Variants in GVQW3 observed in about 807,000 individuals in gnomAD.
GVQW3 encodes GVQW motif containing 3, also known as protein GVQW3.
GVQW3 carries 7 observed loss-of-function variants against 12.5 expected under a neutral mutation model. That is an observed-to-expected ratio of 0.56 (90% CI 0.32 to 1.05). The LOEUF is 1.05. GVQW3 is among the 50% of genes least tolerant of loss of function. GVQW3 has a pLI of 0.04. For synonymous variants in GVQW3, 71 were observed against 67.2 expected (o/e 1.06, Z -0.28); for missense variants, 188 against 190.8 (o/e 0.99, Z 0.09).
chr11:76,393,420 G>T (rs1314919685), intron 1 of GVQW3, among the ~76,000 whole-genome samples: 1 of 152,130 alleles, frequency 6.6e-6, no homozygotes, highest in Non-Finnish European at 1.5e-5. Context: ...CTGGACAGGG[G>T]TGGTCACCCA....
chr11:76,402,807 C>T (rs1207128235), intron 1 of GVQW3, among the ~76,000 whole-genome samples: 1 of 152,068 alleles, frequency 6.6e-6, no homozygotes, highest in Non-Finnish European at 1.5e-5. Context: ...ATTGATCCTC[C>T]AGCCTCAGAA....
intron 1 of GVQW3, among the ~76,000 whole-genome samples, chr11:76,395,524 C>T (rs1946931124): frequency 6.6e-6 from 1 of 152,162 alleles, no homozygotes; most frequent in South Asian, 2.1e-4. Flanking sequence ...AGGTCCTTAC[C>T]TTCTGGTACT....
chr11:76,396,153 T>C (rs1048161803), intron 1 of GVQW3, among the ~76,000 whole-genome samples: 14 of 152,202 alleles, frequency 9.2e-5, no homozygotes, highest in Admixed American at 6.5e-5. Flanking sequence ...CCTGGTGAAC[T>C]TTTCCTTTTA....
downstream of GVQW3, chr11:76,411,416 T>A (rs902104426): frequency 9.8e-5 from 15 of 152,310 alleles, no homozygotes; most frequent in African/African-American, 3.6e-4. Context: ...AATTTAAACT[T>A]CTAGCTCAGC....
chr11:76,391,557 A>T (rs1946892445), intron 1 of GVQW3, among the ~76,000 whole-genome samples: 1 of 152,234 alleles, frequency 6.6e-6, no homozygotes, highest in African/African-American at 2.4e-5. Context: ...ATTGTAGAAA[A>T]TTTGGAAAGT....
At chr11:76,387,631 A>C (rs1946848546) in intron 1 of GVQW3, among the ~76,000 whole-genome samples, 1 of 150,630 alleles carries the variant, frequency 6.6e-6, no homozygotes. Flanking sequence ...TTATTTGTGG[A>C]AATTGTGGGC....
At chr11:76,393,075 A>G (rs1438041084) in intron 1 of GVQW3, among the ~76,000 whole-genome samples, 1 of 152,248 alleles carries the variant, frequency 6.6e-6, no homozygotes, top group African/African-American at 2.4e-5. Flanking sequence ...ATACTGTACC[A>G]TGACATTTCC....
chr11:76,397,002 CTTT>C (rs11401694), intron 1 of GVQW3, among the ~76,000 whole-genome samples: 1 of 110,868 alleles, frequency 9.0e-6, no homozygotes, highest in Non-Finnish European at 1.8e-5. Flanking sequence ...TCATTTATTC[CTTT>C]TTTTTTTTTT....
chr11:76,396,738 T>C (rs890197321), intron 1 of GVQW3, among the ~76,000 whole-genome samples: 9 of 152,198 alleles, frequency 5.9e-5, no homozygotes, highest in African/African-American at 2.2e-4. Context: ...CGTTAGTATA[T>C]TTACAAAATT....
intron 1 of GVQW3, among the ~76,000 whole-genome samples, chr11:76,396,922 C>G (rs946928783): frequency 6.6e-6 from 1 of 151,626 alleles, no homozygotes; most frequent in Non-Finnish European, 1.5e-5. Flanking sequence ...TAATATGTAG[C>G]CTTTTATGTC....
At chr11:76,386,659 T>C (rs1946837583) in intron 1 of GVQW3, among the ~76,000 whole-genome samples, 3 of 152,226 alleles carry the variant, frequency 2.0e-5, no homozygotes, top group Admixed American at 2.0e-4. Flanking sequence ...CCCATGTGAC[T>C]CAATAAGAGC....
At position 76,389,372 on chromosome 11, in the gene GVQW3, C is replaced by T. The variant is rs1946868992; in HGVS notation, c.465+7079C>T. ...AAAAATCAATAGCATCTAGAGCTGG[C>T]AGTGGAGAGATTGAGGCCAGATCAC... On this transcript the variant is annotated intron_variant, in intron 1 of 1. Coordinates refer to ENST00000529331, the MANE Select transcript of GVQW3 (RefSeq NM_001347885.2). Among the ~76,000 whole-genome samples, 3 of 152,114 alleles carry T rather than the reference C, an allele frequency of 2.0e-5. No individual in the cohort carries two copies. The South Asian group carries it at 6.2e-4, about 31-fold the overall frequency.
chr11:76,389,737 T>C (rs774350315), intron 1 of GVQW3: 4 of 152,226 alleles, frequency 2.6e-5, no homozygotes, highest in African/African-American at 4.8e-5. Flanking sequence ...CAAGATGGAT[T>C]TTATAATAGC....
intron 1 of GVQW3, among the ~76,000 whole-genome samples, chr11:76,400,135 G>A (rs892140737): frequency 4.0e-5 from 6 of 149,472 alleles, no homozygotes; most frequent in African/African-American, 4.9e-5. Context: ...TTTTTGAGAT[G>A]GAGTTTCGCT....
chr11:76,408,453 G>A (rs1288140723), downstream of GVQW3: 1 of 152,158 alleles, frequency 6.6e-6, no homozygotes, highest in Non-Finnish European at 1.5e-5. Context: ...TCTCTTTCTT[G>A]TCTCTTTCCC....
At chr11:76,410,884 C>T (rs1031593886), downstream of GVQW3, 1 of 152,226 alleles carries the variant, frequency 6.6e-6, no homozygotes, top group Non-Finnish European at 1.5e-5. Flanking sequence ...GATGCATTTT[C>T]AACGAGCAGT....
intron 1 of GVQW3, among the ~76,000 whole-genome samples, chr11:76,385,388 C>T (rs1016141753): frequency 3.9e-5 from 6 of 152,124 alleles, no homozygotes; most frequent in Non-Finnish European, 5.9e-5. Flanking sequence ...ACCTTGCTGC[C>T]TAGGCCTCTT....
chr11:76,399,524 G>A (rs1164701559), intron 1 of GVQW3, among the ~76,000 whole-genome samples: 1 of 152,150 alleles, frequency 6.6e-6, no homozygotes, highest in Non-Finnish European at 1.5e-5. Context: ...TTGTCAATTT[G>A]TCTGGACCAC....
intron 1 of GVQW3, chr11:76,392,525 C>T (rs1173309657): frequency 3.9e-5 from 6 of 152,222 alleles, no homozygotes; most frequent in Non-Finnish European, 4.4e-5. Flanking sequence ...CCTTGAACTT[C>T]GCTCAGTCCG....
Sources: gnomAD v4.1 joint callset for allele counts (sites outside exome capture counted in the v4.1 genomes callset) on GRCh38, gnomAD v4.1.1 for gene constraint, MANE v1.5 for transcripts, NCBI Gene and HGNC (gene_info 2026-07-23, HGNC 2026-07-21) for gene names.